RBFOX1: variants seen among roughly 807,000 people sequenced by gnomAD.
RBFOX1 encodes RNA binding fox-1 homolog 1, also known as RNA binding protein fox-1 homolog 1.
In RBFOX1, 8 loss-of-function variants were observed where a neutral mutation model predicts 57.7. The ratio of observed to expected loss-of-function variants is 0.14; its 90% CI spans 0.08 to 0.25. The LOEUF is 0.25. Among genes scored for constraint, RBFOX1 ranks in the 10% least tolerant of loss-of-function variants. The pLI is 1.00. For synonymous variants in RBFOX1, 326 were observed against 222.4 expected (o/e 1.47, Z -4.15); for missense variants, 611 against 548.5 (o/e 1.11, Z -1.14).
chr16:6,765,557 A>G (rs1452361987), intron 3 of RBFOX1, among the ~76,000 whole-genome samples: 1 of 152,198 alleles, frequency 6.6e-6, no homozygotes, highest in Non-Finnish European at 1.5e-5. Context: ...TGGGAATGTA[A>G]ATGAGTACAA....
At chr16:5,956,131 C>G (rs551174852) in intron 4 of RBFOX1, among the ~76,000 whole-genome samples, 19 of 152,060 alleles carry the variant, frequency 1.2e-4, no homozygotes, top group African/African-American at 4.6e-4. Flanking sequence ...CCAAAATTAG[C>G]CAGGTGTGGT....
At chr16:5,594,522 G>A (rs905814147) in intron 2 of RBFOX1, among the ~76,000 whole-genome samples, 1 of 152,158 alleles carries the variant, frequency 6.6e-6, no homozygotes, top group Non-Finnish European at 1.5e-5. Context: ...GGTGAACATT[G>A]GTTTCTTCAT....
chr16:7,576,370 C>T (rs2093341098), intron 5 of RBFOX1, among the ~76,000 whole-genome samples: 1 of 152,218 alleles, frequency 6.6e-6, no homozygotes, highest in Non-Finnish European at 1.5e-5. Context: ...ATATAAAAGG[C>T]ATGCAGGCTG....
chr16:7,412,283 C>T (rs1184304795), intron 4 of RBFOX1, among the ~76,000 whole-genome samples: 9 of 151,788 alleles, frequency 5.9e-5, no homozygotes, highest in Non-Finnish European at 7.4e-5. Context: ...GGCGTGGTGG[C>T]GTGTGCCTGT....
chr16:6,386,764 A>C (rs190849123), intron 2 of RBFOX1, among the ~76,000 whole-genome samples: 304 of 152,284 alleles, frequency 2.0e-3, no homozygotes, highest in African/African-American at 7.1e-3. Context: ...AGGGGAATCC[A>C]CAAAGATTCT....
intron 1 of RBFOX1, among the ~76,000 whole-genome samples, chr16:5,458,891 T>C (rs998216843): frequency 6.6e-6 from 1 of 152,224 alleles, no homozygotes; most frequent in African/African-American, 2.4e-5. Context: ...ATATGATCCC[T>C]CTGCTAATGG....
chr16:7,335,163 C>T (rs11640041), intron 4 of RBFOX1, among the ~76,000 whole-genome samples: 1 of 152,214 alleles, frequency 6.6e-6, no homozygotes, highest in Non-Finnish European at 1.5e-5. Context: ...AACTGTATCA[C>T]TCACAGATGC....
At chr16:5,274,496 C>T (rs552909752) in intron 1 of RBFOX1, among the ~76,000 whole-genome samples, 82 of 152,236 alleles carry the variant, frequency 5.4e-4, no homozygotes, top group African/African-American at 1.9e-3. Context: ...ACCACTGCAC[C>T]CTAGCCTGCG....
rs565500803 is a variant in RBFOX1, at chr16:7,407,857, G to A, written c.28-110290G>A. 7.2e-5 allele frequency among the ~76,000 whole-genome samples: 11 copies of A among 152,186 alleles called. No individual in the cohort carries two copies. In the East Asian group the frequency reaches 9.7e-4, roughly 13 times the overall value. On this transcript the variant is annotated intron_variant, in intron 4 of 15. Transcript: ENST00000550418. ...AAACTATGGCCCTGGGACCTAATCT[G>A]GCCTGCGGACTATTTTCCTAGACAG...
chr16:7,664,786 T>G, intron 12 of RBFOX1, 143 bp from the exon 13 acceptor site: 1 of 1,472,772 alleles, frequency 6.8e-7, no homozygotes, highest in South Asian at 1.2e-5. Flanking sequence ...GTCTCCAACC[T>G]CCTTAATCCA....
chr16:6,817,144 C>G (rs150354705), intron 3 of RBFOX1, among the ~76,000 whole-genome samples: 20 of 152,268 alleles, frequency 1.3e-4, no homozygotes, highest in Non-Finnish European at 2.5e-4. Context: ...TGGCTGCAAC[C>G]TGCTGAGTAA....
intron 2 of RBFOX1, among the ~76,000 whole-genome samples, chr16:5,507,507 T>C (rs2043419596): frequency 6.6e-6 from 1 of 152,162 alleles, no homozygotes; most frequent in Non-Finnish European, 1.5e-5. Context: ...GAGAGCCACG[T>C]ACTCTGTTTT....
chr16:7,504,779 ATATATATT>A (rs1160749493), intron 4 of RBFOX1, among the ~76,000 whole-genome samples: 3 of 17,290 alleles, frequency 1.7e-4, no homozygotes, highest in Non-Finnish European at 2.0e-4. Flanking sequence ...ATTTATATAT[ATATATATT>A]TATATATATA....
At chr16:6,025,217 A>G (rs887558907) in intron 1 of RBFOX1, among the ~76,000 whole-genome samples, 6 of 152,196 alleles carry the variant, frequency 3.9e-5, no homozygotes, top group African/African-American at 1.4e-4. Flanking sequence ...GTTTCAATTC[A>G]TTTCTATGAC....
At chr16:6,386,455 C>T (rs1231704164) in intron 2 of RBFOX1, among the ~76,000 whole-genome samples, 1 of 152,104 alleles carries the variant, frequency 6.6e-6, no homozygotes, top group Non-Finnish European at 1.5e-5. Flanking sequence ...TTTGTTCATC[C>T]AAAAATTACT....
At chr16:6,893,677 A>T (rs538952775) in intron 3 of RBFOX1, among the ~76,000 whole-genome samples, 32 of 152,200 alleles carry the variant, frequency 2.1e-4, no homozygotes, top group Non-Finnish European at 4.1e-4. Context: ...CCAGAACTGT[A>T]CTTTATCAAT....
chr16:6,992,634 A>T (rs1360293065), intron 3 of RBFOX1, among the ~76,000 whole-genome samples: 1 of 152,142 alleles, frequency 6.6e-6, no homozygotes, highest in Non-Finnish European at 1.5e-5. Flanking sequence ...GTAAGAAGGC[A>T]GTTAAGGATA....
chr16:5,590,847 A>T (rs1396732136), intron 2 of RBFOX1, among the ~76,000 whole-genome samples: 1 of 152,124 alleles, frequency 6.6e-6, no homozygotes, highest in Non-Finnish European at 1.5e-5. Flanking sequence ...AGTACTGCCT[A>T]CCCTGGGAAC....
At chr16:7,667,072 G>A (rs991781919) in intron 13 of RBFOX1, among the ~76,000 whole-genome samples, 3 of 152,174 alleles carry the variant, frequency 2.0e-5, no homozygotes, top group African/African-American at 7.2e-5. Context: ...TTCAGTGGGG[G>A]AGCATCACAT....
Sources: gnomAD v4.1 joint callset for allele counts (sites outside exome capture counted in the v4.1 genomes callset) on GRCh38, gnomAD v4.1.1 for gene constraint, MANE v1.5 for transcripts, NCBI Gene and HGNC (gene_info 2026-07-23, HGNC 2026-07-21) for gene names.